Variants in KIAA1328 observed in about 807,000 individuals in gnomAD.
KIAA1328 encodes the protein protein hinderin.
KIAA1328 carries 52 observed loss-of-function variants against 68.1 expected under a neutral mutation model. The observed-to-expected ratio is 0.76, with a 90% CI of 0.61 to 0.96. The LOEUF (loss-of-function observed/expected upper bound fraction) is 0.96, where lower values mean the gene tolerates loss of function less well. KIAA1328 is among the 40% of genes least tolerant of loss of function. The pLI, the probability that KIAA1328 is intolerant of heterozygous loss-of-function variation, is 0.00. For synonymous variants in KIAA1328, 232 were observed against 239.4 expected, an observed-to-expected ratio of 0.97 and a Z score of 0.28; for missense variants, 641 against 677.6, an observed-to-expected ratio of 0.95 and a Z score of 0.60.
Position 37,157,511 on chromosome 18 carries a change from G to A in KIAA1328, c.1233-2689G>A, listed in dbSNP as rs17749214. 0.017 allele frequency among the ~76,000 whole-genome samples: 2,525 copies of A among 151,980 alleles called. 162 individuals carry two copies. In the East Asian group the frequency reaches 0.21, roughly 12 times the overall value. ...TGTCATGAAGTTTCTTCTCATCAGT[G>A]TAAAGAATTACCTCATCCTAGCCAA... is the stretch of plus-strand genomic sequence containing the variant. On this transcript the variant is annotated intron_variant, in intron 7 of 9. Transcript: ENST00000280020.
intron 9 of KIAA1328, among the ~76,000 whole-genome samples, chr18:37,205,232 A>C (rs1260483302): frequency 6.6e-6 from 1 of 152,218 alleles, no homozygotes. Context: ...GACTGACTAC[A>C]CATTAAGGCC....
chr18:37,060,335 T>C (rs76174419), intron 6 of KIAA1328, among the ~76,000 whole-genome samples: 1 of 152,106 alleles, frequency 6.6e-6, no homozygotes, highest in East Asian at 1.9e-4. Flanking sequence ...AAAGGTCTTG[T>C]TTTCACCAAG....
intron 7 of KIAA1328, among the ~76,000 whole-genome samples, chr18:37,139,155 G>C (rs2058712537): frequency 6.6e-6 from 1 of 151,766 alleles, no homozygotes; most frequent in South Asian, 2.1e-4. Flanking sequence ...AGTAGAGACG[G>C]GGTTTCACCT....
At chr18:37,087,040 A>G (rs2057125422) in intron 7 of KIAA1328, among the ~76,000 whole-genome samples, 1 of 152,000 alleles carries the variant, frequency 6.6e-6, no homozygotes, top group Middle Eastern at 3.2e-3. Context: ...TTTCTCTCCT[A>G]TATTTCATAT....
intron 7 of KIAA1328, among the ~76,000 whole-genome samples, chr18:37,152,313 T>C (rs1459166001): frequency 1.3e-5 from 2 of 152,068 alleles, no homozygotes; most frequent in East Asian, 3.9e-4. Context: ...AGGTAGCAAA[T>C]TGAGTCAAGG....
intron 7 of KIAA1328, among the ~76,000 whole-genome samples, chr18:37,133,407 GT>G (rs1267836742): frequency 6.6e-6 from 1 of 151,850 alleles, no homozygotes; most frequent in East Asian, 1.9e-4. Context: ...GAATAGTAGA[GT>G]TTTTTAGGGT....
chr18:37,225,164 G>A lies in KIAA1328; in HGVS notation c.*2937G>A. The stretch of plus-strand genomic sequence containing the variant: ...GGCCAGAGAATCAGGGGAGAGGAGA[G>A]GCCTGATGGGGCAGAGCTGGACGAA... On this transcript the variant is annotated 3_prime_UTR_variant, in exon 10 of 10. Transcript: ENST00000280020. The A allele has an allele frequency of 4.1e-6, 4 of 985,466 alleles. No homozygotes were observed. The highest frequency in any genetic ancestry group is 4.8e-6 in the Non-Finnish European group (4 of 829,970). 61.0% of individuals were successfully genotyped at this position (985,466 alleles called of 1,614,324 possible). A position where few individuals can be genotyped will look rare whatever the true frequency, so the allele number is the denominator to read the frequency against.
At position 37,225,333 on chromosome 18, in the gene KIAA1328, C is replaced by T. The variant is rs2060627483; in HGVS notation, c.*3106C>T. The T allele has an allele frequency of 1.0e-6, 1 of 984,708 alleles. No individual in the cohort carries two copies. The highest frequency in any genetic ancestry group is 4.7e-5 in the South Asian group (1 of 21,272). The allele number at this position is 984,708 out of a possible 1,614,324, so 61.0% of individuals were successfully genotyped here. On this transcript the variant is annotated 3_prime_UTR_variant, in exon 10 of 10. Coordinates refer to ENST00000280020, the MANE Select transcript of KIAA1328 (RefSeq NM_020776.3). ...AAATCATCTCTATGGCTATTTTCCC[C>T]ATGTGGGTTTGATATTGAATTGTCC...
intron 7 of KIAA1328, among the ~76,000 whole-genome samples, chr18:37,113,480 A>C (rs1220564568): frequency 6.6e-6 from 1 of 152,206 alleles, no homozygotes; most frequent in African/African-American, 2.4e-5. Flanking sequence ...TCACTACCAG[A>C]CTTGCCTTAC....
chr18:36,979,972 A>C (rs2052619930), intron 6 of KIAA1328, among the ~76,000 whole-genome samples: 1 of 152,162 alleles, frequency 6.6e-6, no homozygotes, highest in Non-Finnish European at 1.5e-5. Context: ...ACCGTCATGA[A>C]CAGAGTAATG....
At chr18:37,134,677 G>A (rs1433884776) in intron 7 of KIAA1328, among the ~76,000 whole-genome samples, 1 of 152,074 alleles carries the variant, frequency 6.6e-6, no homozygotes, top group Non-Finnish European at 1.5e-5. Context: ...TCATATTATT[G>A]TGAAAATATT....
intron 6 of KIAA1328, among the ~76,000 whole-genome samples, chr18:37,057,478 A>C (rs981545195): frequency 6.8e-6 from 1 of 146,132 alleles, no homozygotes; most frequent in Admixed American, 7.0e-5. Flanking sequence ...CCCAGGTTGG[A>C]GTGCGGTGGC....
chr18:36,943,182 TG>T (rs2151192887), intron 5 of KIAA1328, among the ~76,000 whole-genome samples: 1 of 152,336 alleles, frequency 6.6e-6, no homozygotes, highest in African/African-American at 2.4e-5. Context: ...ACCTAACCCT[TG>T]CTATAATGAT....
At chr18:36,934,383 A>G (rs921959822) in intron 5 of KIAA1328, among the ~76,000 whole-genome samples, 10 of 152,178 alleles carry the variant, frequency 6.6e-5, no homozygotes, top group Non-Finnish European at 1.2e-4. Context: ...ATATGTATAC[A>G]TGTGCCATGC....
rs1036258413 is a variant in KIAA1328 at position 37,223,039 on chromosome 18, G to T, written c.*812G>T. ...GTATTTTTATTTACCCAAGTGTTCA[G>T]CTTATTCACCCCACCCCCCCACCCC... is the stretch of plus-strand genomic sequence containing the variant. On this transcript the variant is annotated 3_prime_UTR_variant, in exon 10 of 10. Coordinates refer to ENST00000280020, the MANE Select transcript of KIAA1328 (RefSeq NM_020776.3). 1 of 982,612 alleles carries T rather than the reference G, an allele frequency of 1.0e-6. No individual in the cohort carries two copies. Among genetic ancestry groups the T allele is most frequent in the Non-Finnish European group, 1.2e-6 (1 of 829,118 alleles). 60.9% of individuals were successfully genotyped at this position (982,612 alleles called of 1,614,324 possible).
At chr18:36,846,101 AC>A (rs1432353386) in intron 4 of KIAA1328, among the ~76,000 whole-genome samples, 1 of 151,534 alleles carries the variant, frequency 6.6e-6, no homozygotes, top group African/African-American at 2.4e-5. Flanking sequence ...TACTTTGTCT[AC>A]TTTTGTCTAC....
chr18:36,987,436 GTAAC>G (rs2052978555), intron 6 of KIAA1328, among the ~76,000 whole-genome samples: 1 of 146,040 alleles, frequency 6.8e-6, no homozygotes, highest in Non-Finnish European at 1.5e-5. Context: ...GTATACATAT[GTAAC>G]TAACCTGCAC....
intron 4 of KIAA1328, among the ~76,000 whole-genome samples, chr18:36,883,474 A>T (rs2048385889): frequency 6.6e-6 from 1 of 152,226 alleles, no homozygotes; most frequent in Non-Finnish European, 1.5e-5. Context: ...AAGGCATCTG[A>T]GCAGGCTGGG....
At chr18:37,056,639 G>A (rs1452330113) in intron 6 of KIAA1328, among the ~76,000 whole-genome samples, 2 of 152,062 alleles carry the variant, frequency 1.3e-5, no homozygotes, top group South Asian at 2.1e-4. Context: ...GGTATCTTTA[G>A]TATAAGACAA....
Sources: allele counts gnomAD v4.1 joint callset (sites outside exome capture counted in the v4.1 genomes callset), GRCh38; gene constraint gnomAD v4.1.1; transcripts MANE v1.5; gene names NCBI Gene and HGNC (gene_info 2026-07-23, HGNC 2026-07-21).